The following RSPO2 variants were observed in gnomAD, a reference collection of about 807,000 sequenced individuals.
RSPO2 encodes R-spondin-2.
A neutral mutation model predicts 30.9 loss-of-function variants in RSPO2; 14 were observed. The ratio of observed to expected loss-of-function variants is 0.45; its 90% CI spans 0.30 to 0.71. The LOEUF is 0.71. Ranked by LOEUF, RSPO2 falls within the 30% of genes least tolerant of loss-of-function variation. The pLI is 0.08. For missense variants in RSPO2, 264 were observed against 301.9 expected (o/e 0.87, Z 0.93); for synonymous variants, 107 against 96.4 (o/e 1.11, Z -0.64).
At chr8:107,923,212 G>A (rs1586546034) in intron 5 of RSPO2, among the ~76,000 whole-genome samples, 1 of 151,682 alleles carries the variant, frequency 6.6e-6, no homozygotes, top group East Asian at 1.9e-4. Context: ...CATCTATAAG[G>A]AAATTAAATT....
intron 5 of RSPO2, among the ~76,000 whole-genome samples, chr8:107,920,024 G>C (rs1317862436): frequency 6.6e-6 from 1 of 151,992 alleles, no homozygotes; most frequent in African/African-American, 2.4e-5. Context: ...TATTAGCTAG[G>C]GACAGGGCAA....
At chr8:107,913,466 G>C (rs1460202653) in intron 5 of RSPO2, among the ~76,000 whole-genome samples, 1 of 152,098 alleles carries the variant, frequency 6.6e-6, no homozygotes, top group Non-Finnish European at 1.5e-5. Flanking sequence ...TGCCAAAATA[G>C]TCTCTATCCA....
chr8:108,032,362 C>CA (rs1379099835), intron 2 of RSPO2, among the ~76,000 whole-genome samples: 1 of 152,132 alleles, frequency 6.6e-6, no homozygotes, highest in East Asian at 1.9e-4. Flanking sequence ...TCCTTGAGAG[C>CA]AAACACTCTT....
intron 3 of RSPO2, among the ~76,000 whole-genome samples, chr8:107,981,661 C>T (rs1256600428): frequency 2.0e-5 from 3 of 152,030 alleles, no homozygotes; most frequent in Non-Finnish European, 4.4e-5. Context: ...TTTGGATTTT[C>T]TTATATGTTA....
At chr8:107,971,741 C>A (rs537198239) in intron 3 of RSPO2, among the ~76,000 whole-genome samples, 1 of 152,292 alleles carries the variant, frequency 6.6e-6, no homozygotes, top group African/African-American at 2.4e-5. Context: ...TTTTTCACGT[C>A]ATTTCCCTAC....
intron 3 of RSPO2, among the ~76,000 whole-genome samples, chr8:107,977,881 G>A (rs1224521543): frequency 6.6e-6 from 1 of 151,790 alleles, no homozygotes; most frequent in Non-Finnish European, 1.5e-5. Context: ...TTTTTGATCA[G>A]TATTAATAGG....
At chr8:108,014,438 C>T (rs1029514536) in intron 2 of RSPO2, among the ~76,000 whole-genome samples, 1 of 152,128 alleles carries the variant, frequency 6.6e-6, no homozygotes, top group African/African-American at 2.4e-5. Flanking sequence ...AGACTTGGGA[C>T]CAACCTAAAT....
chr8:107,991,929 G>A (rs1293511170), intron 2 of RSPO2, among the ~76,000 whole-genome samples: 1 of 152,096 alleles, frequency 6.6e-6, no homozygotes, highest in African/African-American at 2.4e-5. Flanking sequence ...CTTATATACT[G>A]TTTGTGATAG....
chr8:108,019,557 CAT>C (rs534821645), intron 2 of RSPO2, among the ~76,000 whole-genome samples: 63 of 152,284 alleles, frequency 4.1e-4, no homozygotes, highest in Admixed American at 1.2e-3. Flanking sequence ...TTCTCAGTCA[CAT>C]GTTTACATGC....
At chr8:107,987,149 T>G (rs1477975844) in intron 3 of RSPO2, among the ~76,000 whole-genome samples, 3 of 152,190 alleles carry the variant, frequency 2.0e-5, no homozygotes, top group Admixed American at 6.5e-5. Context: ...TTTGATTCTT[T>G]CTCTTAGCTC....
chr8:107,914,491 C>A (rs1586537298), intron 5 of RSPO2, among the ~76,000 whole-genome samples: 1 of 151,712 alleles, frequency 6.6e-6, no homozygotes. Flanking sequence ...TTTAACATTT[C>A]TATTATAAAA....
chr8:107,940,418 C>T (rs1217362815), intron 5 of RSPO2, among the ~76,000 whole-genome samples: 1 of 152,144 alleles, frequency 6.6e-6, no homozygotes, highest in Non-Finnish European at 1.5e-5. Flanking sequence ...CCTCCCCTGG[C>T]TATGGTTCTA....
chr8:107,912,272 A>T (rs555479899), intron 5 of RSPO2, among the ~76,000 whole-genome samples: 1 of 152,312 alleles, frequency 6.6e-6, no homozygotes, highest in South Asian at 2.1e-4. Context: ...AAAGCCAAGA[A>T]TATTTTGTAA....
At chr8:108,065,525 G>A (rs1425100249) in intron 2 of RSPO2, among the ~76,000 whole-genome samples, 2 of 151,938 alleles carry the variant, frequency 1.3e-5, no homozygotes, top group Admixed American at 6.6e-5. Flanking sequence ...TACATATTAT[G>A]GGTATCTTTC....
At chr8:108,069,541 C>A (rs1812777924) in intron 2 of RSPO2, among the ~76,000 whole-genome samples, 1 of 152,166 alleles carries the variant, frequency 6.6e-6, no homozygotes, top group Non-Finnish European at 1.5e-5. Context: ...GTAAACTCTA[C>A]ATGTTTCTGA....
At chr8:108,032,830 C>T (rs1369091972) in intron 2 of RSPO2, among the ~76,000 whole-genome samples, 2 of 151,726 alleles carry the variant, frequency 1.3e-5, no homozygotes, top group Non-Finnish European at 2.9e-5. Context: ...GAGGCCGAGG[C>T]AGGCGGATCA....
intron 2 of RSPO2, among the ~76,000 whole-genome samples, chr8:108,045,394 G>A (rs1327992125): frequency 6.6e-6 from 1 of 152,054 alleles, no homozygotes; most frequent in East Asian, 1.9e-4. Context: ...AGTCAGAATG[G>A]CTATGACCCA....
At chr8:107,922,511 C>G (rs1401094813) in intron 5 of RSPO2, among the ~76,000 whole-genome samples, 4 of 152,194 alleles carry the variant, frequency 2.6e-5, no homozygotes, top group Non-Finnish European at 5.9e-5. Flanking sequence ...CTAAAATGGC[C>G]ATACTGTCCA....
chr8:107,957,879 T>C (rs1813478796), intron 5 of RSPO2, among the ~76,000 whole-genome samples: 1 of 152,218 alleles, frequency 6.6e-6, no homozygotes, highest in South Asian at 2.1e-4. Flanking sequence ...TAAGATATTA[T>C]GAAAGTAATA....
Sources: allele counts gnomAD v4.1 joint callset (sites outside exome capture counted in the v4.1 genomes callset), GRCh38; gene constraint gnomAD v4.1.1; transcripts MANE v1.5; gene names NCBI Gene and HGNC (gene_info 2026-07-23, HGNC 2026-07-21).